SPOCK1: variants seen among roughly 807,000 people sequenced by gnomAD.
The protein encoded by SPOCK1 is SPARC (osteonectin), cwcv and kazal like domains proteoglycan 1.
A neutral mutation model predicts 55.3 loss-of-function variants in SPOCK1; 23 were observed. That is an observed-to-expected ratio of 0.42 (90% CI 0.30 to 0.59). The LOEUF (loss-of-function observed/expected upper bound fraction) is 0.59. SPOCK1 is among the 20% of genes least tolerant of loss of function. The pLI is 0.22. For missense variants in SPOCK1, 499 were observed against 552.5 expected (o/e 0.90, Z 0.97); for synonymous variants, 226 against 221.0 (o/e 1.02, Z -0.20).
At chr5:137,421,831 C>G (rs1302588111) in intron 2 of SPOCK1, among the ~76,000 whole-genome samples, 1 of 152,130 alleles carries the variant, frequency 6.6e-6, no homozygotes. Context: ...TGAATTTGAT[C>G]CTGTCGTTAT....
chr5:137,018,128 A>G (rs1003700212), intron 6 of SPOCK1, among the ~76,000 whole-genome samples: 3 of 152,354 alleles, frequency 2.0e-5, no homozygotes, highest in Non-Finnish European at 2.9e-5. Context: ...TGCTACCAGC[A>G]TCTTGTGGGT....
At chr5:137,292,583 C>T (rs1259551495) in intron 2 of SPOCK1, among the ~76,000 whole-genome samples, 1 of 152,064 alleles carries the variant, frequency 6.6e-6, no homozygotes, top group Non-Finnish European at 1.5e-5. Flanking sequence ...GAACGAAGCC[C>T]TTCCCAGGAC....
intron 3 of SPOCK1, 53 bp from the exon 4 acceptor site, chr5:137,140,747 ATTTTTTTT>A (rs11309240): frequency 2.8e-4 from 100 of 352,254 alleles, no homozygotes; most frequent in African/African-American, 1.3e-3. Flanking sequence ...GGGAAATTTA[ATTTTTTTT>A]TTTTTTTTTT....
chr5:137,096,567 G>A (rs1321196641), intron 5 of SPOCK1, among the ~76,000 whole-genome samples: 1 of 152,138 alleles, frequency 6.6e-6, no homozygotes, highest in Non-Finnish European at 1.5e-5. Flanking sequence ...ACTGCAATAG[G>A]AACATCTCAA....
At chr5:137,446,589 T>C (rs1580931954) in intron 2 of SPOCK1, among the ~76,000 whole-genome samples, 1 of 152,144 alleles carries the variant, frequency 6.6e-6, no homozygotes, top group East Asian at 1.9e-4. Flanking sequence ...GCCCGCACCA[T>C]GGAAAAGACA....
intron 3 of SPOCK1, among the ~76,000 whole-genome samples, chr5:137,230,053 C>G (rs1306176489): frequency 6.6e-6 from 1 of 152,188 alleles, no homozygotes; most frequent in Non-Finnish European, 1.5e-5. Flanking sequence ...CCACTCTTAA[C>G]AAAAGGGGCC....
chr5:137,065,896 C>T (rs971469459), intron 6 of SPOCK1, among the ~76,000 whole-genome samples: 10 of 152,128 alleles, frequency 6.6e-5, no homozygotes, highest in Non-Finnish European at 7.4e-5. Context: ...CATTTTTACT[C>T]GTAAATAATT....
intron 2 of SPOCK1, among the ~76,000 whole-genome samples, chr5:137,291,009 C>G (rs1337505433): frequency 6.6e-6 from 1 of 152,200 alleles, no homozygotes; most frequent in Non-Finnish European, 1.5e-5. Context: ...AGTGAAGTAA[C>G]TAAGCACAGA....
At chr5:137,344,541 T>C (rs1388123186) in intron 2 of SPOCK1, among the ~76,000 whole-genome samples, 1 of 152,168 alleles carries the variant, frequency 6.6e-6, no homozygotes, top group East Asian at 1.9e-4. Flanking sequence ...GAGATAATTC[T>C]GATGTTCACA....
chr5:137,479,910 C>T (rs1394635315), intron 2 of SPOCK1, among the ~76,000 whole-genome samples: 1 of 152,114 alleles, frequency 6.6e-6, no homozygotes, highest in Non-Finnish European at 1.5e-5. Context: ...GTAGGCAAGT[C>T]CCCTGCCTGG....
intron 3 of SPOCK1, among the ~76,000 whole-genome samples, chr5:137,164,774 C>T (rs1313037007): frequency 6.6e-6 from 1 of 152,130 alleles, no homozygotes; most frequent in East Asian, 1.9e-4. Flanking sequence ...CAACGGTAGC[C>T]TGGCAGTACT....
At chr5:137,286,292 C>T (rs1003025836) in intron 2 of SPOCK1, among the ~76,000 whole-genome samples, 7 of 152,158 alleles carry the variant, frequency 4.6e-5, no homozygotes, top group Non-Finnish European at 8.8e-5. Flanking sequence ...CAACTCTCTT[C>T]TCAGAAAAGA....
chr5:137,000,331 T>C (rs1216815869), intron 6 of SPOCK1, among the ~76,000 whole-genome samples: 2 of 152,106 alleles, frequency 1.3e-5, no homozygotes, highest in African/African-American at 4.8e-5. Flanking sequence ...CAGTGATGAG[T>C]TGAGATGAAA....
At chr5:137,228,537 C>T (rs955765724) in intron 3 of SPOCK1, among the ~76,000 whole-genome samples, 2 of 151,886 alleles carry the variant, frequency 1.3e-5, no homozygotes, top group East Asian at 1.9e-4. Flanking sequence ...CAGTTACTTG[C>T]GAGGCTGAGG....
rs571560955 is a variant in SPOCK1, at chr5:136,978,536, G to A, written c.*118C>T. On this transcript the variant is annotated 3_prime_UTR_variant, in exon 11 of 11. Transcript: ENST00000394945. Reference sequence around the variant, plus strand: ...CAGTTGTCTTCCAAACCTTAGGTCGGGTATAGAGAGCAACAATGGAGAAGA... The same window carrying A: ...CAGTTGTCTTCCAAACCTTAGGTCGAGTATAGAGAGCAACAATGGAGAAGA... 1.8e-5 allele frequency: 20 copies of A among 1,115,138 alleles called. No homozygotes were observed. The highest frequency in any genetic ancestry group is 1.3e-4 in the Admixed American group (5 of 38,814). 69.1% of individuals were successfully genotyped at this position (1,115,138 alleles called of 1,614,324 possible). A position where few individuals can be genotyped will look rare whatever the true frequency, so the allele number is the denominator to read the frequency against.
intron 2 of SPOCK1, among the ~76,000 whole-genome samples, chr5:137,483,863 A>T (rs1325585626): frequency 1.3e-5 from 2 of 152,220 alleles, no homozygotes; most frequent in African/African-American, 2.4e-5. Flanking sequence ...ACACAGACCA[A>T]GAGAACTGTT....
At chr5:137,450,361 A>G (rs1482252529) in intron 2 of SPOCK1, among the ~76,000 whole-genome samples, 1 of 152,158 alleles carries the variant, frequency 6.6e-6, no homozygotes, top group Non-Finnish European at 1.5e-5. Flanking sequence ...AGCCCTGGTC[A>G]CCACTCTGTG....
intron 6 of SPOCK1, among the ~76,000 whole-genome samples, chr5:137,000,161 G>A (rs1441294205): frequency 1.3e-5 from 2 of 152,190 alleles, no homozygotes; most frequent in Non-Finnish European, 2.9e-5. Context: ...AGGCCTCTCA[G>A]AAATGGAGAC....
In SPOCK1 at chr5:137,493,874, C is replaced by T. The variant is rs140627760; in HGVS notation, c.186+4499G>A. On this transcript the variant is annotated intron_variant, in intron 2 of 10. Transcript: ENST00000394945. ...ATAGGCTCCACTTGCCCTTGAAACT[C>T]ATTATAGCTGATATGTTAGATCAAA... 3.7e-3 allele frequency among the ~76,000 whole-genome samples: 557 copies of T among 152,298 alleles called. 6 individuals are homozygous for T. The highest frequency in any genetic ancestry group is 0.012 in the African/African-American group (516 of 41,562).
Sources: gnomAD v4.1 joint callset for allele counts (sites outside exome capture counted in the v4.1 genomes callset) on GRCh38, gnomAD v4.1.1 for gene constraint, MANE v1.5 for transcripts, NCBI Gene and HGNC (gene_info 2026-07-23, HGNC 2026-07-21) for gene names.